The following PDZRN4 variants were observed in gnomAD, a reference collection of about 807,000 sequenced individuals.
PDZRN4 encodes the protein PDZ domain-containing RING finger protein 4.
Under a neutral mutation model 99.0 loss-of-function variants are expected in PDZRN4, and 70 were observed. That is an observed-to-expected ratio of 0.71 (90% CI 0.58 to 0.86). PDZRN4 has a LOEUF of 0.86. PDZRN4 is among the 40% of genes least tolerant of loss of function. PDZRN4 has a pLI of 0.00. For synonymous variants in PDZRN4, 551 were observed against 501.6 expected (o/e 1.10, Z -1.32); for missense variants, 1,474 against 1,331.2 (o/e 1.11, Z -1.67).
At chr12:41,263,856 C>G (rs546617404) in intron 3 of PDZRN4, among the ~76,000 whole-genome samples, 111 of 152,144 alleles carry the variant, frequency 7.3e-4, no homozygotes, top group Non-Finnish European at 8.2e-4. Context: ...CCTTAAAATA[C>G]AAGAAGGAGG....
chr12:41,491,947 T>A (rs760697454), intron 3 of PDZRN4, among the ~76,000 whole-genome samples: 43 of 152,194 alleles, frequency 2.8e-4, no homozygotes, highest in Non-Finnish European at 5.7e-4. Context: ...CTTGATATAA[T>A]TTTAATAACC....
chr12:41,414,518 T>A (rs1952427052), intron 3 of PDZRN4, among the ~76,000 whole-genome samples: 1 of 152,062 alleles, frequency 6.6e-6, no homozygotes, highest in South Asian at 2.1e-4. Flanking sequence ...TGTTCATTTT[T>A]AAAAATTATT....
At chr12:41,430,178 G>A (rs928562836) in intron 3 of PDZRN4, among the ~76,000 whole-genome samples, 4 of 152,132 alleles carry the variant, frequency 2.6e-5, no homozygotes, top group Admixed American at 6.6e-5. Context: ...TGCATTAAAA[G>A]AAACAAATAG....
At chr12:41,271,794 G>T (rs111869841) in intron 3 of PDZRN4, among the ~76,000 whole-genome samples, 3 of 152,166 alleles carry the variant, frequency 2.0e-5, no homozygotes, top group African/African-American at 4.8e-5. Context: ...GTAAGCAAAA[G>T]CTTCCCTTCA....
chr12:41,561,335 A>G (rs1475653870), intron 7 of PDZRN4, among the ~76,000 whole-genome samples: 3 of 152,036 alleles, frequency 2.0e-5, no homozygotes, highest in Non-Finnish European at 4.4e-5. Flanking sequence ...AACAACAATA[A>G]CAATAGCATC....
rs1952351039 is a variant in PDZRN4, at chr12:41,406,462, G to A, written c.844-99994G>A. ...TTTGTTGTTCTGATGTGAAATTACT[G>A]TTTTACAGTCATTCGGGACAACTCA... On this transcript the variant is annotated intron_variant, in intron 3 of 9. Transcript: ENST00000402685. Among the ~76,000 whole-genome samples the A allele has an allele frequency of 2.6e-5, 4 of 152,150 alleles. No individual in the cohort carries two copies. In the South Asian group the frequency reaches 8.3e-4, roughly 32 times the overall value.
At chr12:41,270,286 G>T (rs202071837) in intron 3 of PDZRN4, among the ~76,000 whole-genome samples, 2 of 145,446 alleles carry the variant, frequency 1.4e-5, no homozygotes. Flanking sequence ...CTGTGTGTGT[G>T]GTGTGTGTGT....
chr12:41,503,949 T>G (rs1938156894), intron 3 of PDZRN4, among the ~76,000 whole-genome samples: 1 of 152,152 alleles, frequency 6.6e-6, no homozygotes, highest in African/African-American at 2.4e-5. Context: ...AAAGATAACA[T>G]GTTGACACAG....
At chr12:41,558,886 T>C (rs1198636059) in intron 7 of PDZRN4, among the ~76,000 whole-genome samples, 1 of 152,170 alleles carries the variant, frequency 6.6e-6, no homozygotes, top group Non-Finnish European at 1.5e-5. Context: ...AATAGCTCCC[T>C]TATGGTTGAT....
At chr12:41,514,843 A>C (rs936634391) in intron 5 of PDZRN4, among the ~76,000 whole-genome samples, 2 of 152,094 alleles carry the variant, frequency 1.3e-5, no homozygotes, top group Non-Finnish European at 2.9e-5. Context: ...TTTTGTCTCA[A>C]ACACTTGTAA....
chr12:41,289,077 G>A (rs535132386), intron 3 of PDZRN4, among the ~76,000 whole-genome samples: 30 of 151,746 alleles, frequency 2.0e-4, no homozygotes, highest in African/African-American at 6.0e-4. Context: ...ATTTCATTTT[G>A]GCATTATTTT....
chr12:41,378,122 T>C (rs1332445246), intron 3 of PDZRN4, among the ~76,000 whole-genome samples: 2 of 151,662 alleles, frequency 1.3e-5, no homozygotes, highest in African/African-American at 2.4e-5. Flanking sequence ...TTATCATCTA[T>C]GACCATTATT....
intron 3 of PDZRN4, among the ~76,000 whole-genome samples, chr12:41,489,383 A>C (rs1305461116): frequency 6.6e-6 from 1 of 152,138 alleles, no homozygotes; most frequent in Non-Finnish European, 1.5e-5. Context: ...ACAGTACTGC[A>C]GTTGAGAAAT....
intron 3 of PDZRN4, among the ~76,000 whole-genome samples, chr12:41,354,643 CT>C (rs1190488266): frequency 1.4e-4 from 21 of 152,138 alleles, no homozygotes; most frequent in African/African-American, 5.1e-4. Flanking sequence ...CTGTTTTAAT[CT>C]CTGGAGGCCT....
intron 3 of PDZRN4, among the ~76,000 whole-genome samples, chr12:41,356,680 T>C (rs916807832): frequency 1.3e-5 from 2 of 151,974 alleles, no homozygotes; most frequent in African/African-American, 4.8e-5. Context: ...TTTTGGGGGC[T>C]ACCAGCTGTT....
chr12:41,292,465 T>G (rs1951462527), intron 3 of PDZRN4, among the ~76,000 whole-genome samples: 1 of 152,172 alleles, frequency 6.6e-6, no homozygotes, highest in Non-Finnish European at 1.5e-5. Flanking sequence ...CTTACAAATT[T>G]CATTGTGTTT....
chr12:41,433,339 A>T (rs1376202251), intron 3 of PDZRN4, among the ~76,000 whole-genome samples: 2 of 152,206 alleles, frequency 1.3e-5, no homozygotes, highest in Admixed American at 6.5e-5. Context: ...TTGTCGTTGG[A>T]AAACTGAGTT....
intron 3 of PDZRN4, among the ~76,000 whole-genome samples, chr12:41,254,784 C>CTGA (rs2120816581): frequency 6.6e-6 from 1 of 152,336 alleles, no homozygotes; most frequent in East Asian, 1.9e-4. Flanking sequence ...TAAGTGAGAA[C>CTGA]TGATAGATTA....
intron 3 of PDZRN4, among the ~76,000 whole-genome samples, chr12:41,487,079 A>G (rs1164367966): frequency 2.0e-5 from 3 of 152,158 alleles, no homozygotes; most frequent in African/African-American, 7.2e-5. Flanking sequence ...TTTTCATAGC[A>G]GTTGACACAT....
Sources: allele counts gnomAD v4.1 joint callset (sites outside exome capture counted in the v4.1 genomes callset), GRCh38; gene constraint gnomAD v4.1.1; transcripts MANE v1.5; gene names NCBI Gene and HGNC (gene_info 2026-07-23, HGNC 2026-07-21).